MMS22L: variants seen among roughly 807,000 people sequenced by gnomAD.
MMS22L encodes the protein MMS22 like, DNA repair protein.
MMS22L carries 74 observed loss-of-function variants against 159.1 expected under a neutral mutation model. The observed-to-expected ratio is 0.47, with a 90% confidence interval of 0.39 to 0.56. The LOEUF (loss-of-function observed/expected upper bound fraction) is 0.56. MMS22L is among the 20% of genes least tolerant of loss of function. The probability of loss-of-function intolerance (pLI) is 0.00; values close to 1 mark genes in which losing one functional copy is unlikely to be tolerated. For synonymous variants in MMS22L, 517 were observed against 506.9 expected, an observed-to-expected ratio of 1.02 and a Z score of -0.27; for missense variants, 1,351 against 1,422.1, an observed-to-expected ratio of 0.95 and a Z score of 0.80.
At chr6:97,234,905 T>G (rs981249942) in intron 11 of MMS22L, among the ~76,000 whole-genome samples, 2 of 152,228 alleles carry the variant, frequency 1.3e-5, no homozygotes, top group African/African-American at 4.8e-5. Flanking sequence ...AGTGGAAAGT[T>G]CCTCAATTAT....
chr6:97,277,006 A>G (rs1159166141), intron 4 of MMS22L, among the ~76,000 whole-genome samples: 1 of 152,232 alleles, frequency 6.6e-6, no homozygotes, highest in Non-Finnish European at 1.5e-5. Flanking sequence ...ATAATACTTA[A>G]CATTTACAAA....
At chr6:97,260,716 A>G (rs111469981) in intron 9 of MMS22L, 4 of 152,276 alleles carry the variant, frequency 2.6e-5, no homozygotes, top group African/African-American at 9.6e-5. Context: ...TCTTCTAGTA[A>G]GTTTATAATG....
chr6:97,255,422 A>T (rs1207107583), intron 9 of MMS22L, among the ~76,000 whole-genome samples: 1 of 152,108 alleles, frequency 6.6e-6, no homozygotes, highest in Non-Finnish European at 1.5e-5. Context: ...AATTTTAGGT[A>T]TCAATTTGAG....
Position 97,269,889 on chromosome 6 carries a change from T to C in MMS22L, c.697+13A>G. ...TTTTAAAAAGAATATAAATCATAAATCCATAAACTTACTCAATTTTTCACC... is the reference window on the plus strand; with the variant it reads ...TTTTAAAAAGAATATAAATCATAAACCCATAAACTTACTCAATTTTTCACC... On this transcript the variant is annotated intron_variant, in intron 7 of 24. Coordinates refer to ENST00000683635, the MANE Select transcript of MMS22L (RefSeq NM_001350599.2). 6.3e-7 allele frequency: 1 copy of C among 1,584,040 alleles called. No individual in the cohort carries two copies. The highest frequency in any genetic ancestry group is 1.3e-5 in the African/African-American group (1 of 74,468).
At chr6:97,271,199 CAGAAA>C (rs1193290260) in intron 6 of MMS22L, 1 of 151,872 alleles carries the variant, frequency 6.6e-6, no homozygotes, top group African/African-American at 2.4e-5. Context: ...TTTTTTGTTT[CAGAAA>C]AGAACAGTAT....
Position 97,143,292 on chromosome 6 carries a change from A to G in MMS22L, c.*3514T>C, listed in dbSNP as rs1800724047. ...AGGTCCTATACAGTTTCCATGCTGT[A>G]AACTGAATGAGGCTGAGTGTAGGAT... On this transcript the variant is annotated 3_prime_UTR_variant, in exon 25 of 25. Coordinates refer to ENST00000683635, the MANE Select transcript of MMS22L (RefSeq NM_001350599.2). 1 of 152,164 alleles carries G rather than the reference A, an allele frequency of 6.6e-6. No homozygotes were observed. Among genetic ancestry groups the G allele is most frequent in the Non-Finnish European group, 1.5e-5 (1 of 68,010 alleles). The allele number at this position is 152,164 out of a possible 1,614,324, so 9.4% of individuals were successfully genotyped here. A position where few individuals can be genotyped will look rare whatever the true frequency, so the allele number is the denominator to read the frequency against.
intron 14 of MMS22L, among the ~76,000 whole-genome samples, chr6:97,206,410 C>T (rs1253970019): frequency 2.0e-5 from 3 of 149,608 alleles, no homozygotes; most frequent in African/African-American, 7.4e-5. Flanking sequence ...CACACACACA[C>T]TAGACCTTCA....
chr6:97,238,250 A>G (rs1030899726), intron 11 of MMS22L, among the ~76,000 whole-genome samples: 8 of 152,228 alleles, frequency 5.3e-5, no homozygotes, highest in African/African-American at 1.9e-4. Context: ...TTGCACAGGG[A>G]TAGCTATCGT....
At chr6:97,202,010 A>G (rs961790063) in intron 14 of MMS22L, among the ~76,000 whole-genome samples, 2 of 152,210 alleles carry the variant, frequency 1.3e-5, no homozygotes, top group Non-Finnish European at 2.9e-5. Flanking sequence ...TTGTGCTTAC[A>G]TATAGCAGAG....
chr6:97,181,874 A>T (rs746808921), intron 16 of MMS22L, 30 bp downstream of exon 16: 7 of 1,598,482 alleles, frequency 4.4e-6, no homozygotes, highest in South Asian at 1.1e-5. Flanking sequence ...GGTTTGCATT[A>T]ATGTGTATGC....
At chr6:97,273,958 A>C (rs1453691982) in intron 4 of MMS22L, among the ~76,000 whole-genome samples, 1 of 152,206 alleles carries the variant, frequency 6.6e-6, no homozygotes, top group Non-Finnish European at 1.5e-5. Context: ...TTAGAATAAA[A>C]TCAAAACTCC....
intron 12 of MMS22L, 56 bp downstream of exon 12, chr6:97,233,805 C>G (rs1811114122): frequency 6.5e-7 from 1 of 1,533,342 alleles, no homozygotes; most frequent in Non-Finnish European, 8.8e-7. Context: ...AGACATTCCT[C>G]AAATATGTAC....
chr6:97,238,604 T>TG lies in MMS22L; in HGVS notation c.1183-4625_1183-4624insC, dbSNP rs71012588. Among the ~76,000 whole-genome samples, 148 of 149,854 alleles carry TG rather than the reference T, an allele frequency of 9.9e-4. 1 individual carries two copies. Among genetic ancestry groups the TG allele is most frequent in the African/African-American group, 3.4e-3 (139 of 40,586 alleles). On this transcript the variant is annotated intron_variant, in intron 11 of 24. Transcript: ENST00000683635. The stretch of plus-strand genomic sequence containing the variant: ...GTGTGTGTGTGTGTGTGTGTGTGTG[T>TG]TTGAGTGTATCAGACGGGGAGAGAA...
chr6:97,165,460 A>G lies in MMS22L; in HGVS notation c.3010-3T>C, dbSNP rs1802870085. 2 of 1,610,564 alleles carry G rather than the reference A, an allele frequency of 1.2e-6. No individual in the cohort carries two copies. The highest frequency in any genetic ancestry group is 1.1e-5 in the South Asian group (1 of 90,738). ...TGACAACACACGATACACATGCCCT[A>G]CAAGGAAAAAAAGTAAGAAATACTA... On this transcript the variant is annotated splice_region_variant and splice_polypyrimidine_tract_variant and intron_variant, in intron 20 of 24. Coordinates refer to ENST00000683635, the MANE Select transcript of MMS22L (RefSeq NM_001350599.2).
At chr6:97,150,672 C>T (rs910864592) in intron 23 of MMS22L, among the ~76,000 whole-genome samples, 13 of 152,084 alleles carry the variant, frequency 8.5e-5, no homozygotes, top group African/African-American at 2.9e-4. Flanking sequence ...TTTCACAAAT[C>T]CATTGTTACT....
intron 4 of MMS22L, among the ~76,000 whole-genome samples, chr6:97,278,452 A>G (rs1388977560): frequency 6.6e-6 from 1 of 151,374 alleles, no homozygotes. Flanking sequence ...TAAACAAAAG[A>G]AAAAAAAATC....
intron 22 of MMS22L, among the ~76,000 whole-genome samples, chr6:97,161,166 A>G (rs1562401229): frequency 6.6e-6 from 1 of 151,858 alleles, no homozygotes; most frequent in African/African-American, 2.4e-5. Context: ...CTTTTTAAAT[A>G]ATGAAGTCCA....
Position 97,272,818 on chromosome 6 carries a change from A to G in MMS22L, c.492T>C (p.Ala164=), listed in dbSNP as rs753984815. The part of the protein sequence containing the change: ...VPVHPYEALE[A]QLPSVLIDEL... ...CATCAATCAACACTGAGGGAAGCTG[A>G]GCCTCCAAAGCCTCATAAGGATGGA... The change falls in exon 6 of 25, where the codon GCT becomes GCC. Residue 164 remains alanine (A), a synonymous_variant. Coordinates refer to ENST00000683635, the MANE Select transcript of MMS22L (RefSeq NM_001350599.2). 1 of 1,614,100 alleles carries G rather than the reference A, an allele frequency of 6.2e-7. No individual in the cohort carries two copies. The highest frequency in any genetic ancestry group is 8.5e-7 in the Non-Finnish European group (1 of 1,179,980).
intron 11 of MMS22L, among the ~76,000 whole-genome samples, chr6:97,241,730 G>T (rs1032696485): frequency 6.6e-6 from 1 of 152,150 alleles, no homozygotes; most frequent in Non-Finnish European, 1.5e-5. Flanking sequence ...ACTTTTTGAT[G>T]TAGGCATTTA....
Sources: allele counts gnomAD v4.1 joint callset (sites outside exome capture counted in the v4.1 genomes callset), GRCh38; gene constraint gnomAD v4.1.1; transcripts MANE v1.5; gene names NCBI Gene and HGNC (gene_info 2026-07-23, HGNC 2026-07-21).